Variants in GRM7 observed in about 807,000 individuals in gnomAD.
The protein encoded by GRM7 is glutamate metabotropic receptor 7.
In GRM7, 35 loss-of-function variants were observed where a neutral mutation model predicts 84.5. The observed-to-expected ratio is 0.41, with a 90% CI of 0.32 to 0.55. The LOEUF (loss-of-function observed/expected upper bound fraction) is 0.55, where lower values mean the gene tolerates loss of function less well. GRM7 is among the 20% of genes least tolerant of loss of function. GRM7 has a pLI of 0.19. For missense variants in GRM7, 1,003 were observed against 1,194.6 expected, an observed-to-expected ratio of 0.84 and a Z score of 2.36; for synonymous variants, 487 against 455.1, an observed-to-expected ratio of 1.07 and a Z score of -0.89.
chr3:7,045,802 C>G (rs557754648), intron 1 of GRM7, among the ~76,000 whole-genome samples: 6 of 152,126 alleles, frequency 3.9e-5, no homozygotes, highest in South Asian at 4.1e-4. Context: ...TAGGTTGTTT[C>G]TATATTTTGG....
intron 2 of GRM7, 58 bp from the exon 3 acceptor site, chr3:7,298,626 G>C: frequency 6.8e-7 from 1 of 1,470,214 alleles, no homozygotes; most frequent in Non-Finnish European, 9.4e-7. Flanking sequence ...ACCTTCCTTG[G>C]CTCCTTTGAC....
intron 7 of GRM7, among the ~76,000 whole-genome samples, chr3:7,479,372 C>T (rs527742849): frequency 4.2e-4 from 64 of 151,942 alleles, no homozygotes; most frequent in African/African-American, 1.4e-3. Flanking sequence ...AGCACTTATA[C>T]CTAACAATAG....
chr3:6,972,057 AT>A (rs1693779204), intron 1 of GRM7, among the ~76,000 whole-genome samples: 1 of 152,082 alleles, frequency 6.6e-6, no homozygotes, highest in Non-Finnish European at 1.5e-5. Flanking sequence ...CATTATTATT[AT>A]TTTCTCTGTT....
chr3:7,052,104 G>A (rs919095278), intron 1 of GRM7, among the ~76,000 whole-genome samples: 10 of 151,624 alleles, frequency 6.6e-5, no homozygotes, highest in Admixed American at 1.3e-4. Context: ...TGTTCCAGGA[G>A]TTTAATTTTA....
rs756109024 is a variant in GRM7, at chr3:7,298,837, T to C, written c.878+12T>C. 2 of 1,610,260 alleles carry C rather than the reference T, an allele frequency of 1.2e-6. No homozygotes were observed. The highest frequency in any genetic ancestry group is 1.7e-6 in the Non-Finnish European group (2 of 1,176,866). On this transcript the variant is annotated intron_variant, in intron 3 of 9. Coordinates refer to ENST00000357716, the MANE Select transcript of GRM7 (RefSeq NM_000844.4). ...GATGAGGATATAAAGTAAGAATAACTGGTGACAATTGTTAATATGCATGTT... is the reference window on the plus strand; with the variant it reads ...GATGAGGATATAAAGTAAGAATAACCGGTGACAATTGTTAATATGCATGTT...
At chr3:7,616,430 G>T (rs1697081515) in intron 8 of GRM7, among the ~76,000 whole-genome samples, 1 of 152,040 alleles carries the variant, frequency 6.6e-6, no homozygotes, top group Admixed American at 6.6e-5. Flanking sequence ...TGTTGTGTCT[G>T]GTCCAACTAA....
At chr3:7,561,863 T>C (rs1027921374) in intron 7 of GRM7, among the ~76,000 whole-genome samples, 1 of 152,144 alleles carries the variant, frequency 6.6e-6, no homozygotes, top group Non-Finnish European at 1.5e-5. Context: ...TCAATGAACA[T>C]ACACTTCAAC....
chr3:7,050,823 T>A (rs1696969006), intron 1 of GRM7, among the ~76,000 whole-genome samples: 1 of 151,828 alleles, frequency 6.6e-6, no homozygotes, highest in African/African-American at 2.4e-5. Context: ...ATAGTTAGGT[T>A]CAACCTATAA....
chr3:7,207,816 A>G (rs2124836538), intron 2 of GRM7, among the ~76,000 whole-genome samples: 1 of 152,356 alleles, frequency 6.6e-6, no homozygotes, highest in Middle Eastern at 3.4e-3. Context: ...TTTCTTTCCA[A>G]ATCATACTGG....
intron 7 of GRM7, among the ~76,000 whole-genome samples, chr3:7,493,755 CT>C (rs1470319804): frequency 6.6e-6 from 1 of 151,782 alleles, no homozygotes; most frequent in Non-Finnish European, 1.5e-5. Flanking sequence ...TCTTTTGTTT[CT>C]TTTATGTCAT....
At chr3:7,712,656 T>G (rs1184452341) in intron 9 of GRM7, among the ~76,000 whole-genome samples, 1 of 148,166 alleles carries the variant, frequency 6.7e-6, no homozygotes, top group Non-Finnish European at 1.5e-5. Context: ...TGTTTGTTTG[T>G]TTTGTTTTGT....
chr3:7,078,432 C>T (rs1451020089), intron 1 of GRM7, among the ~76,000 whole-genome samples: 1 of 152,140 alleles, frequency 6.6e-6, no homozygotes, highest in Non-Finnish European at 1.5e-5. Flanking sequence ...GTTGTTAGTA[C>T]ATCAATGTAT....
intron 2 of GRM7, among the ~76,000 whole-genome samples, chr3:7,277,714 A>G (rs577348004): frequency 6.6e-6 from 1 of 151,880 alleles, no homozygotes; most frequent in South Asian, 2.1e-4. Context: ...TTTTTTTTGC[A>G]TTGTCTGTAT....
rs376091205 is a variant in GRM7, at chr3:7,486,348, T to C, written c.1515+24626T>C. ...TTATTTGTTTCTATCTCTGCTATGA[T>C]TTGAATATGACTTGTCCTCAGCAAA... On this transcript the variant is annotated intron_variant, in intron 7 of 9. Coordinates refer to ENST00000357716, the MANE Select transcript of GRM7 (RefSeq NM_000844.4). The surrounding 1 kb of genome is among the most constrained non-coding windows in gnomAD (Gnocchi z 5.5). Among the ~76,000 whole-genome samples, 1 of 152,130 alleles carries C rather than the reference T, an allele frequency of 6.6e-6. No individual in the cohort carries two copies. Among genetic ancestry groups the C allele is most frequent in the Non-Finnish European group, 1.5e-5 (1 of 68,030 alleles).
chr3:7,703,560 G>T (rs891606862), intron 9 of GRM7, among the ~76,000 whole-genome samples: 4 of 151,992 alleles, frequency 2.6e-5, no homozygotes, highest in African/African-American at 4.8e-5. Flanking sequence ...GGTTATTAAA[G>T]ATTTTATTTT....
intron 8 of GRM7, among the ~76,000 whole-genome samples, chr3:7,678,890 G>C (rs1362652111): frequency 6.6e-6 from 1 of 152,148 alleles, no homozygotes. Context: ...GTAGGAAAAA[G>C]GTGTCCATTA....
At chr3:7,658,101 G>A (rs146842832) in intron 8 of GRM7, among the ~76,000 whole-genome samples, 2 of 152,142 alleles carry the variant, frequency 1.3e-5, no homozygotes, top group Non-Finnish European at 2.9e-5. Flanking sequence ...TGCATCAAAA[G>A]GTATTCCTTA....
chr3:6,904,196 C>G (rs537240674), intron 1 of GRM7, among the ~76,000 whole-genome samples: 67 of 152,140 alleles, frequency 4.4e-4, no homozygotes, highest in Non-Finnish European at 7.9e-4. Flanking sequence ...ATTCCTTACT[C>G]TGAAATCACA....
chr3:7,380,395 T>C (rs1694540908), intron 4 of GRM7, among the ~76,000 whole-genome samples: 1 of 152,232 alleles, frequency 6.6e-6, no homozygotes, highest in South Asian at 2.1e-4. Flanking sequence ...TCATAAGATA[T>C]TTTGTGACAC....
Sources: allele counts gnomAD v4.1 joint callset (sites outside exome capture counted in the v4.1 genomes callset), GRCh38; gene constraint gnomAD v4.1.1; non-coding constraint Gnocchi (gnomAD v3.1); transcripts MANE v1.5; gene names NCBI Gene and HGNC (gene_info 2026-07-23, HGNC 2026-07-21).